The following SOBP variants were observed in gnomAD, a reference collection of about 807,000 sequenced individuals.
SOBP encodes the protein sine oculis binding protein homolog, also known as sine oculis-binding protein homolog.
SOBP carries 4 observed loss-of-function variants against 53.6 expected under a neutral mutation model. The ratio of observed to expected loss-of-function variants is 0.07; its 90% CI spans 0.04 to 0.17. The LOEUF (loss-of-function observed/expected upper bound fraction) is 0.17. Among genes scored for constraint, SOBP ranks in the 10% least tolerant of loss-of-function variants. The pLI is 1.00. For synonymous variants in SOBP, 584 were observed against 522.6 expected (o/e 1.12, Z -1.60); for missense variants, 1,088 against 1,204.7 (o/e 0.90, Z 1.43).
chr6:107,604,565 C>T (rs1409343373), intron 5 of SOBP, among the ~76,000 whole-genome samples: 1 of 147,728 alleles, frequency 6.8e-6, no homozygotes, highest in Admixed American at 6.8e-5. Context: ...CCCACCTCTA[C>T]CCACATCCCA....
chr6:107,646,551 C>T lies in SOBP; in HGVS notation c.*3+11082C>T, dbSNP rs115433708. ...GAATGTGGAGGTTACACAGCGATGC[C>T]TAGACTGTCTGTCCTTAGACCGAAG... On this transcript the variant is annotated intron_variant, in intron 6 of 6. Coordinates refer to ENST00000317357, the MANE Select transcript of SOBP (RefSeq NM_018013.4). Among the ~76,000 whole-genome samples, 281 of 152,340 alleles carry T rather than the reference C, an allele frequency of 1.8e-3. 1 individual carries two copies. Among genetic ancestry groups the T allele is most frequent in the African/African-American group, 6.4e-3 (264 of 41,574 alleles).
At position 107,635,075 on chromosome 6, in the gene SOBP, AGCCGCCGCC is replaced by A. The variant is rs541688197; in HGVS notation, c.2244_2252del (p.Pro749_Pro751del). ...AAGAGCGCGGAGCCGCCTCCCGAGC[AGCCGCCGCC>A]GCCGCCGCCGCCCGCGCCCCCCAAG... On this transcript the variant is annotated inframe_deletion, in exon 6 of 7. Coordinates refer to ENST00000317357, the MANE Select transcript of SOBP (RefSeq NM_018013.4). The surrounding 1 kb of genome is among the most constrained non-coding windows in gnomAD (Gnocchi z 4.5). The A allele has an allele frequency of 5.0e-4, 785 of 1,564,966 alleles. 3 individuals are homozygous for A. The highest frequency in any genetic ancestry group is 3.7e-3 in the Middle Eastern group (22 of 5,910).
intron 4 of SOBP, among the ~76,000 whole-genome samples, chr6:107,566,331 C>T (rs1460200470): frequency 1.3e-5 from 2 of 152,190 alleles, no homozygotes; most frequent in Non-Finnish European, 2.9e-5. Context: ...TTTTCAAAAT[C>T]CTTATGTTTG....
chr6:107,490,848 C>T, intron 1 of SOBP, 136 bp downstream of exon 1: 1 of 691,416 alleles, frequency 1.4e-6, no homozygotes, highest in Non-Finnish European at 2.6e-6. Context: ...CTCCGCTCCT[C>T]CTCCAGGTGT....
At chr6:107,512,789 G>A (rs1783209118) in intron 3 of SOBP, among the ~76,000 whole-genome samples, 1 of 152,158 alleles carries the variant, frequency 6.6e-6, no homozygotes, top group African/African-American at 2.4e-5. Flanking sequence ...ACAAGGAGAA[G>A]TGAAATGAAG....
rs890963596 is a variant in SOBP at position 107,634,983 on chromosome 6, C to G, written c.2139C>G (p.Gly713=). 2 of 1,033,082 alleles carry G rather than the reference C, an allele frequency of 1.9e-6. No homozygotes were observed. Among genetic ancestry groups the G allele is most frequent in the Non-Finnish European group, 2.3e-6 (2 of 863,470 alleles). The allele number at this position is 1,033,082 out of a possible 1,614,324, so 64.0% of individuals were successfully genotyped here. A position where few individuals can be genotyped will look rare whatever the true frequency, so the allele number is the denominator to read the frequency against. The change falls in exon 6 of 7, where the codon GGC becomes GGG. Residue 713 remains glycine (G), a synonymous_variant. Coordinates refer to ENST00000317357, the MANE Select transcript of SOBP (RefSeq NM_018013.4). The surrounding 1 kb of genome is among the most constrained non-coding windows in gnomAD (Gnocchi z 4.5). ...ACCCAGGCCCGGGCGCCCCGGCGGG[C>G]CCCGAGGCGGCCGCGGCCTGCAACG... ...AGDPGPGAPA[G]PEAAAACNVI... is the part of the protein sequence containing the mutation.
At chr6:107,544,377 C>T (rs190265989) in intron 4 of SOBP, among the ~76,000 whole-genome samples, 142 of 152,244 alleles carry the variant, frequency 9.3e-4, no homozygotes, top group Non-Finnish European at 1.5e-3. Flanking sequence ...TGGGAGTTGC[C>T]GTGGCCAACA....
At chr6:107,511,459 C>G (rs1783167054) in intron 3 of SOBP, 1 of 152,240 alleles carries the variant, frequency 6.6e-6, no homozygotes, top group Admixed American at 6.5e-5. Context: ...TTCTTGCCGT[C>G]ATGAGGCGAG....
chr6:107,497,392 C>A lies in SOBP; in HGVS notation c.97-6265C>A, dbSNP rs533436829. On this transcript the variant is annotated intron_variant, in intron 1 of 6. Coordinates refer to ENST00000317357, the MANE Select transcript of SOBP (RefSeq NM_018013.4). The stretch of plus-strand genomic sequence containing the variant: ...ATTGTCATTAGGACTGTGACTATAG[C>A]TGATGTAATTGTCTATGACTGAGAC... 2.4e-4 allele frequency among the ~76,000 whole-genome samples: 36 copies of A among 152,166 alleles called. No homozygotes were observed. The East Asian group carries it at 6.4e-3, about 27-fold the overall frequency.
At chr6:107,537,080 G>A (rs545933291) in intron 4 of SOBP, among the ~76,000 whole-genome samples, 25 of 152,300 alleles carry the variant, frequency 1.6e-4, no homozygotes, top group South Asian at 4.1e-4. Flanking sequence ...ATTCATCTAG[G>A]AATTGGAAAG....
intron 4 of SOBP, among the ~76,000 whole-genome samples, chr6:107,563,250 C>G (rs750318272): frequency 6.6e-6 from 1 of 152,072 alleles, no homozygotes; most frequent in Non-Finnish European, 1.5e-5. Context: ...GAGTGAGACC[C>G]CATCGCAAAC....
chr6:107,494,492 A>G (rs1325546561), intron 1 of SOBP, among the ~76,000 whole-genome samples: 1 of 152,246 alleles, frequency 6.6e-6, no homozygotes. Flanking sequence ...TAGCTACCAA[A>G]CAACAATACA....
At position 107,548,449 on chromosome 6, in the gene SOBP, A is replaced by G. The variant is rs553615408; in HGVS notation, c.573+14839A>G. Among the ~76,000 whole-genome samples the G allele has an allele frequency of 3.6e-4, 55 of 152,068 alleles. 1 individual carries two copies. The highest frequency in any genetic ancestry group is 2.1e-3 in the South Asian group (10 of 4,808). On this transcript the variant is annotated intron_variant, in intron 4 of 6. Transcript: ENST00000317357. ...AGTAGAGACAGGGTTTCATTGTGTT[A>G]GCCAGGATGGTCTCCATCTCCTGAC...
chr6:107,639,888 T>C (rs957648900), intron 6 of SOBP, among the ~76,000 whole-genome samples: 2 of 152,232 alleles, frequency 1.3e-5, no homozygotes, highest in Non-Finnish European at 2.9e-5. Flanking sequence ...ATCTCACTTT[T>C]CCACCTTTGT....
intron 4 of SOBP, among the ~76,000 whole-genome samples, chr6:107,574,138 C>T (rs968131234): frequency 2.6e-5 from 4 of 152,118 alleles, no homozygotes; most frequent in African/African-American, 9.7e-5. Flanking sequence ...GTTTATGGAA[C>T]CAGTCAAAAC....
Position 107,634,989 on chromosome 6 carries a change from G to A in SOBP, c.2145G>A (p.Glu715=). 1 of 1,052,960 alleles carries A rather than the reference G, an allele frequency of 9.5e-7. No homozygotes were observed. The highest frequency in any genetic ancestry group is 4.4e-5 in the South Asian group (1 of 22,764). The allele number at this position is 1,052,960 out of a possible 1,614,324, so 65.2% of individuals were successfully genotyped here. ...GCCCGGGCGCCCCGGCGGGCCCCGA[G>A]GCGGCCGCGGCCTGCAACGTCATCG... ...DPGPGAPAGP[E]AAAACNVIVN... Residue 715 remains glutamate, a synonymous_variant, in exon 6 of 7, where the codon GAG becomes GAA. Transcript: ENST00000317357. The surrounding 1 kb of genome is among the most constrained non-coding windows in gnomAD (Gnocchi z 4.5).
chr6:107,636,916 C>T (rs1771069448), intron 6 of SOBP, among the ~76,000 whole-genome samples: 1 of 152,118 alleles, frequency 6.6e-6, no homozygotes, highest in South Asian at 2.1e-4. Flanking sequence ...AAGTAACTTG[C>T]CCAAGATTTT....
chr6:107,618,847 G>A (rs761145466), intron 5 of SOBP, among the ~76,000 whole-genome samples: 28 of 152,142 alleles, frequency 1.8e-4, no homozygotes, highest in African/African-American at 5.3e-4. Context: ...ACATCCTGTC[G>A]GGCTTGTGGG....
intron 1 of SOBP, among the ~76,000 whole-genome samples, chr6:107,501,610 G>A (rs1782845110): frequency 6.6e-6 from 1 of 152,152 alleles, no homozygotes; most frequent in South Asian, 2.1e-4. Context: ...TTGATGAAAA[G>A]TATAAGCCTC....
Sources: gnomAD v4.1 joint callset for allele counts (sites outside exome capture counted in the v4.1 genomes callset) on GRCh38, gnomAD v4.1.1 for gene constraint, Gnocchi (gnomAD v3.1) non-coding constraint, MANE v1.5 for transcripts, NCBI Gene and HGNC (gene_info 2026-07-23, HGNC 2026-07-21) for gene names.